The following SUCLG2 variants were observed in gnomAD, a reference collection of about 807,000 sequenced individuals.
SUCLG2 encodes the protein succinate--CoA ligase [GDP-forming] subunit beta, mitochondrial.
In SUCLG2, 42 loss-of-function variants were observed where a neutral mutation model predicts 47.9. That is an observed-to-expected ratio of 0.88 (90% confidence interval 0.69 to 1.14). SUCLG2 has a LOEUF of 1.14. SUCLG2 is among the 50% of genes most tolerant of loss of function. The pLI is 0.00. For missense variants in SUCLG2, 571 were observed against 525.9 expected (o/e 1.09, Z -0.84); for synonymous variants, 195 against 197.3 (o/e 0.99, Z 0.10).
chr3:67,454,893 T>C (rs1394944782), intron 9 of SUCLG2, among the ~76,000 whole-genome samples: 1 of 142,484 alleles, frequency 7.0e-6, no homozygotes, highest in East Asian at 2.1e-4. Flanking sequence ...ACCTGGGAGG[T>C]GGAGCTTGTA....
intron 9 of SUCLG2, among the ~76,000 whole-genome samples, chr3:67,430,026 C>T (rs1441254303): frequency 8.5e-5 from 13 of 152,126 alleles, no homozygotes; most frequent in Admixed American, 8.5e-4. Flanking sequence ...CCACTATCAA[C>T]ATTAGACAGA....
chr3:67,518,177 G>A (rs999688315), intron 6 of SUCLG2, 70 bp downstream of exon 6: 2 of 1,243,562 alleles, frequency 1.6e-6, no homozygotes, highest in Non-Finnish European at 2.3e-6. Flanking sequence ...AAACACTAGA[G>A]GCAATGAAGC....
chr3:67,453,449 A>C (rs1704105789), intron 9 of SUCLG2, among the ~76,000 whole-genome samples: 1 of 152,018 alleles, frequency 6.6e-6, no homozygotes, highest in Non-Finnish European at 1.5e-5. Context: ...GGAATGAAGG[A>C]GCTCCCTTGG....
chr3:67,428,923 C>A (rs914855658), intron 9 of SUCLG2, among the ~76,000 whole-genome samples: 1 of 152,090 alleles, frequency 6.6e-6, no homozygotes. Context: ...AAGAAATGAA[C>A]AAAACCTCCA....
At chr3:67,585,982 A>AC (rs1708006660) in intron 2 of SUCLG2, among the ~76,000 whole-genome samples, 3 of 49,036 alleles carry the variant, frequency 6.1e-5, no homozygotes, top group East Asian at 3.6e-4. Context: ...AAAAAAAAAA[A>AC]AAAAAAAAAC....
At chr3:67,398,085 A>G (rs1575669542) in intron 10 of SUCLG2, among the ~76,000 whole-genome samples, 1 of 150,382 alleles carries the variant, frequency 6.6e-6, no homozygotes, top group African/African-American at 2.4e-5. Flanking sequence ...AAACCTCGGC[A>G]TTACCATTCA....
chr3:67,488,004 G>T (rs185589870), intron 9 of SUCLG2, among the ~76,000 whole-genome samples: 106 of 151,766 alleles, frequency 7.0e-4, no homozygotes, highest in African/African-American at 2.5e-3. Context: ...ATGTTATAGA[G>T]AACTGTACTA....
At chr3:67,422,327 T>C (rs1703179315) in intron 9 of SUCLG2, among the ~76,000 whole-genome samples, 1 of 150,868 alleles carries the variant, frequency 6.6e-6, no homozygotes, top group African/African-American at 2.4e-5. Flanking sequence ...CAAAAAAAAT[T>C]AGCTGGGCAT....
chr3:67,606,953 C>T (rs913022536), intron 2 of SUCLG2, among the ~76,000 whole-genome samples: 3 of 152,178 alleles, frequency 2.0e-5, no homozygotes, highest in South Asian at 2.1e-4. Flanking sequence ...TCTGGTAGAA[C>T]TTTAAAAAGT....
intron 9 of SUCLG2, among the ~76,000 whole-genome samples, chr3:67,402,015 T>C (rs1231485397): frequency 2.0e-5 from 3 of 152,210 alleles, no homozygotes; most frequent in South Asian, 2.1e-4. Flanking sequence ...TTGGGGCATG[T>C]TGTCCCAAGG....
chr3:67,365,458 C>CT (rs1455895770), intron 10 of SUCLG2, among the ~76,000 whole-genome samples: 1 of 152,170 alleles, frequency 6.6e-6, no homozygotes, highest in Non-Finnish European at 1.5e-5. Flanking sequence ...CAGTGTTAGA[C>CT]AGTGTCTAGC....
At chr3:67,374,621 T>C (rs1169256304), downstream of SUCLG2, 1 of 360,974 alleles carries the variant, frequency 2.8e-6, no homozygotes, top group African/African-American at 2.2e-5. Context: ...AATTATCAAA[T>C]TTTAGAGGCA....
intron 6 of SUCLG2, among the ~76,000 whole-genome samples, chr3:67,513,190 C>A (rs1232195196): frequency 1.4e-5 from 2 of 145,020 alleles, no homozygotes; most frequent in Non-Finnish European, 2.9e-5. Flanking sequence ...TCTTCTTTTA[C>A]AAGGTTCAGT....
Position 67,375,642 on chromosome 3 carries a change from C to T in SUCLG2, c.*102G>A, listed in dbSNP as rs1284532118. On this transcript the variant is annotated 3_prime_UTR_variant, in exon 11 of 11. Transcript: ENST00000307227. ...TTCAGTGATTCTTGCCTTCCCCCTC[C>T]CCTTTTCTTCCCCAATGAGATAACC... The T allele has an allele frequency of 2.7e-6, 4 of 1,456,140 alleles. No individual in the cohort carries two copies. The highest frequency in any genetic ancestry group is 3.6e-6 in the Non-Finnish European group (4 of 1,102,960). 90.2% of individuals were successfully genotyped at this position (1,456,140 alleles called of 1,614,324 possible). A position where few individuals can be genotyped will look rare whatever the true frequency, so the allele number is the denominator to read the frequency against.
chr3:67,529,612 G>A (rs1706348501), intron 2 of SUCLG2, among the ~76,000 whole-genome samples: 3 of 152,194 alleles, frequency 2.0e-5, no homozygotes, highest in Admixed American at 2.0e-4. Context: ...TTATGCGGGG[G>A]AAGGTTTAAA....
intron 2 of SUCLG2, among the ~76,000 whole-genome samples, chr3:67,579,284 A>G (rs1277303758): frequency 3.9e-5 from 6 of 152,166 alleles, no homozygotes; most frequent in African/African-American, 1.4e-4. Context: ...TAAGAGTAGA[A>G]GAATTTAGAA....
At chr3:67,480,167 T>A (rs1486669950) in intron 9 of SUCLG2, among the ~76,000 whole-genome samples, 6 of 152,098 alleles carry the variant, frequency 3.9e-5, no homozygotes, top group Non-Finnish European at 8.8e-5. Context: ...TCATGGTATG[T>A]GAAACAGGAC....
intron 2 of SUCLG2, among the ~76,000 whole-genome samples, chr3:67,563,811 A>C (rs1024802295): frequency 2.6e-5 from 4 of 152,024 alleles, no homozygotes; most frequent in African/African-American, 4.8e-5. Flanking sequence ...TACAAAAAAA[A>C]TTAGCTGGGA....
intron 9 of SUCLG2, among the ~76,000 whole-genome samples, chr3:67,410,352 G>A (rs940836301): frequency 1.3e-5 from 2 of 152,192 alleles, no homozygotes; most frequent in African/African-American, 4.8e-5. Context: ...GGTAGTAGTG[G>A]TTAAGTCAGG....
Sources: allele counts gnomAD v4.1 joint callset (sites outside exome capture counted in the v4.1 genomes callset), GRCh38; gene constraint gnomAD v4.1.1; transcripts MANE v1.5; gene names NCBI Gene and HGNC (gene_info 2026-07-23, HGNC 2026-07-21).